The following ARID1B variants were observed in gnomAD, a reference collection of about 807,000 sequenced individuals.
ARID1B encodes AT-rich interaction domain 1B.
A neutral mutation model predicts 212.3 loss-of-function variants in ARID1B; 30 were observed. The observed-to-expected ratio is 0.14, with a 90% CI of 0.11 to 0.19. The LOEUF is 0.19. Among genes scored for constraint, ARID1B ranks in the 10% least tolerant of loss-of-function variants. The pLI, the probability that ARID1B is intolerant of heterozygous loss-of-function variation, is 1.00. For synonymous variants in ARID1B, 1,402 were observed against 1,301.7 expected (o/e 1.08, Z -1.66); for missense variants, 2,891 against 3,204.0 (o/e 0.90, Z 2.36).
chr6:156,905,584 C>A (rs1470692487), intron 3 of ARID1B, among the ~76,000 whole-genome samples: 1 of 152,184 alleles, frequency 6.6e-6, no homozygotes. Context: ...AGCTACCTTT[C>A]CCTGATGCCA....
Position 156,829,346 on chromosome 6 carries a change from C to T in ARID1B, c.1911C>T (p.Gly637=), listed in dbSNP as rs2128046630. ...PYPGGSYGPP[G]PQRYPIGIQG... ...CAGGAGGTTCCTATGGCCCTCCAGG[C>T]CCACAGCGGTATCCAATTGGCATCC... Residue 637 remains glycine (G), a synonymous_variant, in exon 2 of 20, where the codon GGC becomes GGT. Coordinates refer to ENST00000636930, the MANE Select transcript of ARID1B (RefSeq NM_001374828.1). 1.2e-6 allele frequency: 2 copies of T among 1,614,216 alleles called. No homozygotes were observed. Among genetic ancestry groups the T allele is most frequent in the Non-Finnish European group, 1.7e-6 (2 of 1,180,040 alleles).
intron 4 of ARID1B, among the ~76,000 whole-genome samples, chr6:157,003,901 G>A (rs1279585633): frequency 2.0e-5 from 3 of 151,848 alleles, no homozygotes; most frequent in Non-Finnish European, 2.9e-5. Flanking sequence ...AGTTCAAGGC[G>A]AGGCAAGAGG....
At position 156,880,739 on chromosome 6, in the gene ARID1B, C is replaced by CAAA. The variant is rs141153792; in HGVS notation, c.1987-20614_1987-20612dup. On this transcript the variant is annotated intron_variant, in intron 2 of 19. Coordinates refer to ENST00000636930, the MANE Select transcript of ARID1B (RefSeq NM_001374828.1). The stretch of plus-strand genomic sequence containing the variant: ...TGGGCCACGGAGCGAGACTCTGTCT[C>CAAA]AAAAAAAAAAAAAAAAAAAAAAAAA... Among the ~76,000 whole-genome samples the CAAA allele has an allele frequency of 2.0e-3, 177 of 86,944 alleles. 5 individuals carry two copies. The highest frequency in any genetic ancestry group is 5.5e-3 in the Admixed American group (33 of 5,980). 57.0% of individuals were successfully genotyped at this position (86,944 alleles called of 152,430 possible). A position where few individuals can be genotyped will look rare whatever the true frequency, so the allele number is the denominator to read the frequency against.
At chr6:157,110,363 T>C in intron 5 of ARID1B, 109 bp from the exon 6 acceptor site, 1 of 899,656 alleles carries the variant, frequency 1.1e-6, no homozygotes. Flanking sequence ...AATGGGGCTA[T>C]ACCTTTTGTG....
Position 157,201,412 on chromosome 6 carries a change from C to T in ARID1B, c.5187C>T (p.Ile1729=), listed in dbSNP as rs1211670879. The part of the protein sequence containing the change: ...PPQPPPIRRE[I]TFPPGSVEAS... ...AACCACCCCCAATCAGAAGGGAGAT[C>T]ACCTTTCCTCCTGGCTCAGTAGAAG... is the stretch of plus-strand genomic sequence containing the variant. The change falls in exon 18 of 20, where the codon ATC becomes ATT. Residue 1729 remains isoleucine, a synonymous_variant. Transcript: ENST00000636930. The surrounding 1 kb of genome is among the most constrained non-coding windows in gnomAD (Gnocchi z 5.2). 1 of 1,579,258 alleles carries T rather than the reference C, an allele frequency of 6.3e-7. No individual in the cohort carries two copies. The highest frequency in any genetic ancestry group is 1.2e-5 in the South Asian group (1 of 86,494).
intron 1 of ARID1B, among the ~76,000 whole-genome samples, chr6:156,785,462 C>G (rs1458776699): frequency 6.6e-6 from 1 of 152,130 alleles, no homozygotes; most frequent in Non-Finnish European, 1.5e-5. Context: ...AGAAGAAATC[C>G]TGGACCATAA....
intron 1 of ARID1B, among the ~76,000 whole-genome samples, chr6:156,796,858 C>G (rs1452470763): frequency 6.6e-6 from 1 of 151,794 alleles, no homozygotes. Context: ...GAGCAGAAGC[C>G]AGAGCCTGGG....
intron 2 of ARID1B, among the ~76,000 whole-genome samples, chr6:156,837,920 G>A (rs1332653624): frequency 6.6e-6 from 1 of 152,174 alleles, no homozygotes; most frequent in Non-Finnish European, 1.5e-5. Context: ...CTGAATGTGG[G>A]TAGTGTGCGT....
intron 4 of ARID1B, among the ~76,000 whole-genome samples, chr6:156,998,694 C>T (rs1018947860): frequency 1.3e-5 from 2 of 152,132 alleles, no homozygotes; most frequent in Non-Finnish European, 2.9e-5. Context: ...CGGGGAGCTG[C>T]GATGGAAGCA....
At chr6:157,182,737 A>G (rs1401183930) in intron 12 of ARID1B, among the ~76,000 whole-genome samples, 1 of 152,160 alleles carries the variant, frequency 6.6e-6, no homozygotes, top group African/African-American at 2.4e-5. Context: ...ACCAGCTGCT[A>G]AGTCGTGTGA....
At chr6:157,085,035 C>G in intron 5 of ARID1B, 130 bp downstream of exon 5, 2 of 1,199,874 alleles carry the variant, frequency 1.7e-6, no homozygotes, top group Non-Finnish European at 2.3e-6. Context: ...ACTGAATTCT[C>G]ACCAAGGCAT....
chr6:157,138,832 T>G, intron 7 of ARID1B, among the ~76,000 whole-genome samples: 1 of 152,256 alleles, frequency 6.6e-6, no homozygotes, highest in Non-Finnish European at 1.5e-5. Flanking sequence ...AATTCCTTCT[T>G]CTATACTGTT....
chr6:157,044,063 T>G (rs963876279), intron 4 of ARID1B, among the ~76,000 whole-genome samples: 6 of 152,212 alleles, frequency 3.9e-5, no homozygotes, highest in Admixed American at 3.3e-4. Flanking sequence ...TGGAATGATC[T>G]TATGTCAGAG....
chr6:156,800,718 G>A (rs1283786316), intron 1 of ARID1B, among the ~76,000 whole-genome samples: 1 of 151,736 alleles, frequency 6.6e-6, no homozygotes, highest in Non-Finnish European at 1.5e-5. Context: ...ACCAGCTTGG[G>A]CAACATAGTA....
At chr6:156,792,534 C>T (rs1369247171) in intron 1 of ARID1B, among the ~76,000 whole-genome samples, 1 of 152,196 alleles carries the variant, frequency 6.6e-6, no homozygotes, top group East Asian at 1.9e-4. Flanking sequence ...TGTTAATAAA[C>T]ATACTTGCAG....
intron 4 of ARID1B, among the ~76,000 whole-genome samples, chr6:156,971,953 A>G (rs536210071): frequency 6.6e-6 from 1 of 152,268 alleles, no homozygotes; most frequent in Admixed American, 6.5e-5. Context: ...TCCTTCCTGC[A>G]CTTGAGGCTC....
intron 4 of ARID1B, among the ~76,000 whole-genome samples, chr6:157,077,254 A>G (rs1784365274): frequency 6.6e-6 from 1 of 152,214 alleles, no homozygotes; most frequent in African/African-American, 2.4e-5. Flanking sequence ...CTTAAATAGT[A>G]CCTGCAATTT....
intron 4 of ARID1B, chr6:156,943,474 C>T (rs1582999495): frequency 6.9e-6 from 1 of 145,486 alleles, no homozygotes; most frequent in Middle Eastern, 3.4e-3. Flanking sequence ...CTTCATAATG[C>T]ATTCTTTAAA....
intron 2 of ARID1B, among the ~76,000 whole-genome samples, chr6:156,865,809 C>T (rs1472073062): frequency 2.0e-5 from 3 of 151,940 alleles, no homozygotes; most frequent in Non-Finnish European, 2.9e-5. Context: ...CCCTCCTTCC[C>T]TCCACCTTCC....
Sources: gnomAD v4.1 joint callset for allele counts (sites outside exome capture counted in the v4.1 genomes callset) on GRCh38, gnomAD v4.1.1 for gene constraint, Gnocchi (gnomAD v3.1) non-coding constraint, MANE v1.5 for transcripts, NCBI Gene and HGNC (gene_info 2026-07-23, HGNC 2026-07-21) for gene names.